Variants in RIPOR2 observed in about 807,000 individuals in gnomAD.
RIPOR2 encodes the protein rho family-interacting cell polarization regulator 2.
RIPOR2 carries 39 observed loss-of-function variants against 114.5 expected under a neutral mutation model. That is an observed-to-expected ratio of 0.34 (90% CI 0.26 to 0.44). RIPOR2 has a LOEUF of 0.44. Among genes scored for constraint, RIPOR2 ranks in the 20% least tolerant of loss-of-function variants. The probability of loss-of-function intolerance (pLI) is 1.00; values close to 1 mark genes in which losing one functional copy is unlikely to be tolerated. For synonymous variants in RIPOR2, 445 were observed against 484.4 expected (o/e 0.92, Z 1.07); for missense variants, 1,007 against 1,255.1 (o/e 0.80, Z 2.99).
intron 18 of RIPOR2, among the ~76,000 whole-genome samples, chr6:24,826,901 A>ATTT (rs147841757): frequency 6.7e-6 from 1 of 149,166 alleles, no homozygotes; most frequent in African/African-American, 2.5e-5. Flanking sequence ...CTCTGTTTAC[A>ATTT]TTTTTTTTTT....
chr6:25,042,058 T>TA (rs35331447), upstream of RIPOR2: 31,544 of 438,614 alleles, frequency 0.072, 457 homozygotes, highest in Admixed American at 0.14. Context: ...GTTCTTTTCT[T>TA]AAAAAAAAAA....
intron 1 of RIPOR2, among the ~76,000 whole-genome samples, chr6:25,028,157 A>G (rs1352178841): frequency 1.3e-5 from 2 of 152,224 alleles, no homozygotes; most frequent in African/African-American, 4.8e-5. Flanking sequence ...GACATCTAGC[A>G]CAGCGCAGGA....
chr6:24,972,482 A>C (rs1773831041), intron 1 of RIPOR2, among the ~76,000 whole-genome samples: 1 of 152,214 alleles, frequency 6.6e-6, no homozygotes, highest in Non-Finnish European at 1.5e-5. Context: ...ACGTTAGAAG[A>C]ACAGTTGCAG....
chr6:24,808,265 A>G (rs556659766), intron 21 of RIPOR2, among the ~76,000 whole-genome samples: 2 of 152,174 alleles, frequency 1.3e-5, no homozygotes, highest in Admixed American at 1.3e-4. Context: ...ATTCTGTAGG[A>G]TCAGCTTCCT....
intron 1 of RIPOR2, among the ~76,000 whole-genome samples, chr6:24,965,261 A>T (rs369739852): frequency 1.3e-5 from 2 of 151,974 alleles, no homozygotes; most frequent in African/African-American, 2.4e-5. Flanking sequence ...CCACAGCTTC[A>T]TGAGTAGCTA....
intron 1 of RIPOR2, among the ~76,000 whole-genome samples, chr6:25,007,039 C>T (rs1338639398): frequency 6.6e-6 from 1 of 152,194 alleles, no homozygotes; most frequent in Non-Finnish European, 1.5e-5. Flanking sequence ...TTCTCCATAA[C>T]CAAGGGCCTG....
At position 24,825,282 on chromosome 6, in the gene RIPOR2, C is replaced by T. The variant is rs764523744; in HGVS notation, c.2812G>A (p.Glu938Lys). 3.2e-5 allele frequency: 50 copies of T among 1,551,630 alleles called. No homozygotes were observed. The East Asian group carries it at 6.1e-4, about 19-fold the overall frequency. ...GCTGCCAAGTAAAGCGTCACAGCCTCACTAACTTCGTTGTCCTCTCTGGTT... is the reference window on the plus strand; with the variant it reads ...GCTGCCAAGTAAAGCGTCACAGCCTTACTAACTTCGTTGTCCTCTCTGGTT... ...LLTREDNEVS[E>K]AVTLYLAAAS... The change falls in exon 19 of 22, where the codon GAG becomes AAG. Residue 938 changes from glutamate (E) to lysine (K), a missense_variant. Coordinates refer to ENST00000643898, the MANE Select transcript of RIPOR2 (RefSeq NM_001286445.3).
chr6:25,023,817 G>T (rs534882017), intron 1 of RIPOR2: 1 of 751,020 alleles, frequency 1.3e-6, no homozygotes, highest in Non-Finnish European at 2.4e-6. Flanking sequence ...TTTTTAACTC[G>T]ATCTCGAGGA....
intron 13 of RIPOR2, chr6:24,840,824 C>T (rs892077019): frequency 6.6e-7 from 1 of 1,515,760 alleles, no homozygotes; most frequent in South Asian, 1.2e-5. Flanking sequence ...CCAGCTGATG[C>T]TTTAATTCTG....
chr6:24,836,978 T>C (rs4712860), intron 14 of RIPOR2, among the ~76,000 whole-genome samples: 75,024 of 152,038 alleles, frequency 0.49, 19,411 homozygotes, highest in East Asian at 0.86. Context: ...ATGTTTCTTA[T>C]AGCAAGAAGA....
chr6:25,012,130 G>T (rs919662771), intron 1 of RIPOR2, among the ~76,000 whole-genome samples: 1 of 152,172 alleles, frequency 6.6e-6, no homozygotes, highest in Non-Finnish European at 1.5e-5. Flanking sequence ...CACATGAAAA[G>T]ATACTCAGAG....
chr6:24,877,737 A>C (rs916390435), intron 1 of RIPOR2, among the ~76,000 whole-genome samples: 3 of 152,162 alleles, frequency 2.0e-5, no homozygotes, highest in African/African-American at 4.8e-5. Flanking sequence ...TAATGGTGAG[A>C]CCACACTTGG....
intron 1 of RIPOR2, among the ~76,000 whole-genome samples, chr6:25,019,423 A>G (rs991947217): frequency 2.6e-5 from 4 of 152,238 alleles, no homozygotes; most frequent in Non-Finnish European, 4.4e-5. Context: ...TATGAAAATA[A>G]TCAGGAACAT....
Position 24,955,612 on chromosome 6 carries a change from G to A in RIPOR2, c.77-79795C>T, listed in dbSNP as rs931243559. On this transcript the variant is annotated intron_variant, in intron 1 of 13. Coordinates refer to the RIPOR2 transcript ENST00000510784. The stretch of plus-strand genomic sequence containing the variant: ...TGACTCTCTTACTTTCTTCTCTTCC[G>A]CTTTTAAATCTGCAGTTTCTTTTCT... Among the ~76,000 whole-genome samples the A allele has an allele frequency of 6.0e-5, 9 of 150,380 alleles. No homozygotes were observed. In the East Asian group the frequency reaches 1.2e-3, roughly 20 times the overall value.
chr6:24,916,555 G>A (rs1293156467), intron 1 of RIPOR2, among the ~76,000 whole-genome samples: 2 of 152,076 alleles, frequency 1.3e-5, no homozygotes, highest in African/African-American at 4.8e-5. Flanking sequence ...CTTTTTCCCT[G>A]GAAAAAGAAC....
chr6:24,934,293 T>C (rs1771610481), intron 1 of RIPOR2, among the ~76,000 whole-genome samples: 1 of 152,204 alleles, frequency 6.6e-6, no homozygotes, highest in Non-Finnish European at 1.5e-5. Flanking sequence ...AGCTGAAGAA[T>C]GGGGCCTAAG....
intron 1 of RIPOR2, among the ~76,000 whole-genome samples, chr6:24,901,243 T>G (rs1768409628): frequency 6.6e-6 from 1 of 152,244 alleles, no homozygotes; most frequent in Admixed American, 6.5e-5. Flanking sequence ...TTCAGTACCT[T>G]TAGCCTGATT....
At chr6:24,881,849 A>T (rs1766384387) in intron 1 of RIPOR2, among the ~76,000 whole-genome samples, 3 of 152,144 alleles carry the variant, frequency 2.0e-5, no homozygotes, top group Admixed American at 2.0e-4. Flanking sequence ...CTGAAGATAG[A>T]AGGGGGCTGA....
intron 21 of RIPOR2, among the ~76,000 whole-genome samples, chr6:24,806,968 A>G (rs1011088301): frequency 2.6e-5 from 4 of 152,234 alleles, no homozygotes; most frequent in Non-Finnish European, 2.9e-5. Context: ...GATGCCTTCT[A>G]CCAGCCACCA....
Sources: gnomAD v4.1 joint callset for allele counts (sites outside exome capture counted in the v4.1 genomes callset) on GRCh38, gnomAD v4.1.1 for gene constraint, MANE v1.5 for transcripts, NCBI Gene and HGNC (gene_info 2026-07-23, HGNC 2026-07-21) for gene names.